Variants in RSU1 observed in about 807,000 individuals in gnomAD.
The protein encoded by RSU1 is rsu-1.
A neutral mutation model predicts 31.1 loss-of-function variants in RSU1; 26 were observed. The observed-to-expected ratio is 0.84, with a 90% CI of 0.61 to 1.16. RSU1 has a LOEUF of 1.16. Among genes scored for constraint, RSU1 ranks in the 50% most tolerant of loss-of-function variants. The pLI is 0.00. For missense variants in RSU1, 320 were observed against 339.1 expected (o/e 0.94, Z 0.44); for synonymous variants, 164 against 136.3 (o/e 1.20, Z -1.41).
At chr10:16,788,233 G>C (rs1438618783) in intron 2 of RSU1, among the ~76,000 whole-genome samples, 1 of 152,192 alleles carries the variant, frequency 6.6e-6, no homozygotes, top group East Asian at 1.9e-4. Flanking sequence ...TTCTCTCATA[G>C]GCAGTCCAGA....
intron 2 of RSU1, among the ~76,000 whole-genome samples, chr10:16,785,526 A>ATACAC (rs1240281059): frequency 9.2e-5 from 13 of 141,736 alleles, no homozygotes; most frequent in East Asian, 6.0e-4. Flanking sequence ...ATATATATAT[A>ATACAC]ATATTAGTTC....
At chr10:16,659,507 A>C (rs1039859643) in intron 8 of RSU1, among the ~76,000 whole-genome samples, 2 of 151,882 alleles carry the variant, frequency 1.3e-5, no homozygotes, top group Non-Finnish European at 2.9e-5. Flanking sequence ...GTCTCTCCCC[A>C]CTGATCTGCA....
In RSU1 at chr10:16,612,857, TCTC is replaced by T. The variant is rs1833916569; in HGVS notation, c.732-19364_732-19362del. 3.3e-5 allele frequency among the ~76,000 whole-genome samples: 5 copies of T among 152,178 alleles called. No individual in the cohort carries two copies. The South Asian group carries it at 1.0e-3, about 32-fold the overall frequency. On this transcript the variant is annotated intron_variant, in intron 8 of 8. Transcript: ENST00000345264. Reference sequence around the variant, plus strand: ...AATGCATCAGACACTGGTTATATATTCTCCTCTCCTGATGCCAGCAGGCAACCT... The same window carrying T: ...AATGCATCAGACACTGGTTATATATTCTCTCCTGATGCCAGCAGGCAACCT...
At chr10:16,644,044 A>T (rs1035412390) in intron 8 of RSU1, among the ~76,000 whole-genome samples, 12 of 151,434 alleles carry the variant, frequency 7.9e-5, no homozygotes, top group African/African-American at 2.9e-4. Flanking sequence ...CAAATACACC[A>T]TTTTATTTCA....
intron 2 of RSU1, among the ~76,000 whole-genome samples, chr10:16,799,336 C>T (rs572767407): frequency 6.6e-6 from 1 of 152,116 alleles, no homozygotes; most frequent in African/African-American, 2.4e-5. Context: ...CATTAGAAAA[C>T]TCAGGTCACA....
chr10:16,683,142 A>C (rs1273283365), intron 8 of RSU1, among the ~76,000 whole-genome samples: 1 of 99,262 alleles, frequency 1.0e-5, no homozygotes, highest in Admixed American at 8.9e-5. Flanking sequence ...CCAAGCCTTA[A>C]GAGAGGAATG....
chr10:16,640,654 T>A (rs1834425496), intron 8 of RSU1, among the ~76,000 whole-genome samples: 1 of 152,224 alleles, frequency 6.6e-6, no homozygotes, highest in South Asian at 2.1e-4. Flanking sequence ...GGCCTTCGCA[T>A]GTGTGCTTTT....
intron 8 of RSU1, among the ~76,000 whole-genome samples, chr10:16,673,995 A>G (rs1028435115): frequency 6.6e-6 from 1 of 152,106 alleles, no homozygotes; most frequent in African/African-American, 2.4e-5. Context: ...TGGAACACAA[A>G]AGCAACACCT....
At chr10:16,648,742 G>C (rs933437634) in intron 8 of RSU1, among the ~76,000 whole-genome samples, 7 of 151,866 alleles carry the variant, frequency 4.6e-5, no homozygotes, top group African/African-American at 1.7e-4. Flanking sequence ...AGAGCTGCCA[G>C]CTTTCACAGT....
At chr10:16,813,499 A>G (rs945980658) in intron 2 of RSU1, among the ~76,000 whole-genome samples, 2 of 152,232 alleles carry the variant, frequency 1.3e-5, no homozygotes, top group Non-Finnish European at 2.9e-5. Flanking sequence ...TTTAATGTAC[A>G]TTATTGGATC....
At chr10:16,749,010 A>G (rs2131616871) in intron 7 of RSU1, among the ~76,000 whole-genome samples, 1 of 152,228 alleles carries the variant, frequency 6.6e-6, no homozygotes, top group South Asian at 2.1e-4. Context: ...GGCTCAACAA[A>G]CAGTTGTTGA....
chr10:16,597,753 C>A (rs568813500), intron 8 of RSU1, among the ~76,000 whole-genome samples: 1 of 152,284 alleles, frequency 6.6e-6, no homozygotes, highest in Non-Finnish European at 1.5e-5. Context: ...ACACTAAATC[C>A]CCAAACACCT....
chr10:16,728,626 G>A (rs946423243), intron 7 of RSU1, among the ~76,000 whole-genome samples: 14 of 152,304 alleles, frequency 9.2e-5, no homozygotes, highest in Admixed American at 4.6e-4. Context: ...TGGAACCTGC[G>A]CATATCAGCT....
At chr10:16,702,720 A>C (rs1487160316) in intron 7 of RSU1, among the ~76,000 whole-genome samples, 1 of 152,182 alleles carries the variant, frequency 6.6e-6, no homozygotes, top group South Asian at 2.1e-4. Context: ...TCACAGGTGG[A>C]AGGGACCAGC....
chr10:16,797,725 AAACTT>A (rs1262032744), intron 2 of RSU1, among the ~76,000 whole-genome samples: 1 of 151,980 alleles, frequency 6.6e-6, no homozygotes, highest in African/African-American at 2.4e-5. Context: ...TAAAGGGACA[AAACTT>A]AAGAAAAAAA....
At chr10:16,745,227 C>T (rs749162731) in intron 7 of RSU1, among the ~76,000 whole-genome samples, 8 of 152,170 alleles carry the variant, frequency 5.3e-5, no homozygotes, top group Non-Finnish European at 1.2e-4. Context: ...ATTTACCTAA[C>T]ATTCACTGAG....
intron 8 of RSU1, among the ~76,000 whole-genome samples, chr10:16,642,222 A>C (rs1834454447): frequency 6.6e-6 from 1 of 152,164 alleles, no homozygotes; most frequent in African/African-American, 2.4e-5. Flanking sequence ...CAGTGAGATG[A>C]GCTAAGGCAG....
intron 4 of RSU1, among the ~76,000 whole-genome samples, chr10:16,759,673 T>G (rs1264797654): frequency 6.6e-6 from 1 of 152,176 alleles, no homozygotes; most frequent in African/African-American, 2.4e-5. Flanking sequence ...GAAATAATCA[T>G]CAACATGGAT....
intron 4 of RSU1, 113 bp from the exon 5 acceptor site, chr10:16,755,102 G>C: frequency 3.3e-6 from 2 of 602,516 alleles, no homozygotes; most frequent in Non-Finnish European, 6.0e-6. Context: ...CATGATCCTA[G>C]AGTCACTTTA....
Sources: gnomAD v4.1 joint callset for allele counts (sites outside exome capture counted in the v4.1 genomes callset) on GRCh38, gnomAD v4.1.1 for gene constraint, MANE v1.5 for transcripts, NCBI Gene and HGNC (gene_info 2026-07-23, HGNC 2026-07-21) for gene names.